COL24A1: variants seen among roughly 807,000 people sequenced by gnomAD.
COL24A1 encodes collagen alpha-1(XXIV) chain.
COL24A1 carries 224 observed loss-of-function variants against 253.9 expected under a neutral mutation model. That is an observed-to-expected ratio of 0.88 (90% CI 0.79 to 0.99). The LOEUF is 0.99. COL24A1 is among the 50% of genes least tolerant of loss of function. The pLI, the probability that COL24A1 is intolerant of heterozygous loss-of-function variation, is 0.00. For missense variants in COL24A1, 2,131 were observed against 2,068.5 expected, an observed-to-expected ratio of 1.03 and a Z score of -0.59; for synonymous variants, 685 against 673.7, an observed-to-expected ratio of 1.02 and a Z score of -0.26.
rs113627312 is a variant in COL24A1 at position 85,952,046 on chromosome 1, G to A, written c.2562+9203C>T. Among the ~76,000 whole-genome samples the A allele has an allele frequency of 2.7e-3, 407 of 152,050 alleles. 1 individual carries two copies. The highest frequency in any genetic ancestry group is 8.2e-3 in the African/African-American group (340 of 41,524). ...CATCGGGCTGCTTAGTACAATTAAT[G>A]AAAAAAGAGACATTTCATAAACAGA... is the stretch of plus-strand genomic sequence containing the variant. On this transcript the variant is annotated intron_variant, in intron 24 of 59. Coordinates refer to ENST00000370571, the MANE Select transcript of COL24A1 (RefSeq NM_152890.7).
chr1:85,848,864 T>G (rs1677435652), intron 38 of COL24A1, among the ~76,000 whole-genome samples: 1 of 152,214 alleles, frequency 6.6e-6, no homozygotes, highest in Admixed American at 6.5e-5. Flanking sequence ...ATGTTGATTT[T>G]AGTAAAATAT....
chr1:85,958,836 G>C (rs1200176084), intron 24 of COL24A1, among the ~76,000 whole-genome samples: 1 of 152,054 alleles, frequency 6.6e-6, no homozygotes, highest in Non-Finnish European at 1.5e-5. Context: ...AGATGAGAGG[G>C]CATCTTTTGA....
rs1343307104 is a variant in COL24A1 at position 85,887,378 on chromosome 1, C to T, written c.2976+2182G>A. On this transcript the variant is annotated intron_variant, in intron 32 of 59. Coordinates refer to ENST00000370571, the MANE Select transcript of COL24A1 (RefSeq NM_152890.7). ...GTACAGTTGTGCAGGTTGAACACTACATAAACCAAGGGACATTATTTGTTA... is the reference window on the plus strand; with the variant it reads ...GTACAGTTGTGCAGGTTGAACACTATATAAACCAAGGGACATTATTTGTTA... 3.3e-5 allele frequency among the ~76,000 whole-genome samples: 5 copies of T among 151,982 alleles called. No individual in the cohort carries two copies. In the East Asian group the frequency reaches 5.8e-4, roughly 18 times the overall value.
chr1:85,922,212 G>A (rs1686595152), intron 24 of COL24A1, among the ~76,000 whole-genome samples: 2 of 152,174 alleles, frequency 1.3e-5, no homozygotes, highest in Admixed American at 1.3e-4. Context: ...TGAAAGTGAT[G>A]GGGAGAATGG....
chr1:86,087,625 T>C (rs1040975015), intron 7 of COL24A1, among the ~76,000 whole-genome samples: 3 of 152,240 alleles, frequency 2.0e-5, no homozygotes, highest in African/African-American at 4.8e-5. Context: ...ACAGTGTCAC[T>C]GCATAGGATG....
chr1:86,085,503 G>T (rs1023546693), intron 7 of COL24A1, among the ~76,000 whole-genome samples: 5 of 152,194 alleles, frequency 3.3e-5, no homozygotes, highest in Admixed American at 2.6e-4. Flanking sequence ...TTATCTTCTT[G>T]AACTTAGAAA....
intron 31 of COL24A1, among the ~76,000 whole-genome samples, chr1:85,893,718 T>A (rs1683369887): frequency 6.6e-6 from 1 of 152,326 alleles, no homozygotes; most frequent in South Asian, 2.1e-4. Flanking sequence ...AGTTTTCATT[T>A]AATTCCTGGC....
intron 47 of COL24A1, among the ~76,000 whole-genome samples, chr1:85,797,068 A>G (rs970087269): frequency 1.7e-4 from 26 of 151,714 alleles, no homozygotes; most frequent in Admixed American, 1.1e-3. Context: ...TTAGCCAGGC[A>G]TGGTGGTGGG....
intron 47 of COL24A1, among the ~76,000 whole-genome samples, chr1:85,813,155 G>A (rs1672713662): frequency 6.6e-6 from 1 of 151,736 alleles, no homozygotes; most frequent in Non-Finnish European, 1.5e-5. Context: ...AAAGATGCAT[G>A]GTCTAATATC....
chr1:85,915,413 C>T (rs1200674206), intron 24 of COL24A1, among the ~76,000 whole-genome samples: 1 of 152,180 alleles, frequency 6.6e-6, no homozygotes, highest in Non-Finnish European at 1.5e-5. Flanking sequence ...CTAGGATCTC[C>T]TGTTTGTGGA....
intron 8 of COL24A1, among the ~76,000 whole-genome samples, chr1:86,063,385 G>T (rs1001286124): frequency 2.0e-5 from 3 of 151,606 alleles, no homozygotes; most frequent in African/African-American, 4.8e-5. Context: ...GTGTGTGTTT[G>T]TATGTGTATG....
At chr1:86,088,702 A>G (rs574807411) in intron 7 of COL24A1, among the ~76,000 whole-genome samples, 1 of 152,230 alleles carries the variant, frequency 6.6e-6, no homozygotes, top group African/African-American at 2.4e-5. Flanking sequence ...AGAGATTATT[A>G]TTTCCCAGTA....
chr1:85,784,407 A>G (rs1187906082), intron 48 of COL24A1, 41 bp from the exon 49 acceptor site: 2 of 1,436,120 alleles, frequency 1.4e-6, no homozygotes, highest in Middle Eastern at 1.8e-4. Context: ...ACATCAGAAC[A>G]TATAAACATA....
At chr1:86,014,004 G>C (rs1009878088) in intron 19 of COL24A1, among the ~76,000 whole-genome samples, 34 of 152,134 alleles carry the variant, frequency 2.2e-4, no homozygotes, top group African/African-American at 8.0e-4. Context: ...TTAGTTTCAA[G>C]ACTAAGAAAA....
chr1:85,986,414 A>G (rs1693726778), intron 20 of COL24A1, among the ~76,000 whole-genome samples: 1 of 151,884 alleles, frequency 6.6e-6, no homozygotes, highest in Non-Finnish European at 1.5e-5. Flanking sequence ...ACCATTGAAG[A>G]TACTTTACTA....
At chr1:86,134,055 A>G (rs1649790731) in intron 2 of COL24A1, among the ~76,000 whole-genome samples, 1 of 151,964 alleles carries the variant, frequency 6.6e-6, no homozygotes, top group Non-Finnish European at 1.5e-5. Context: ...AAGAGATTCA[A>G]CTTCTTCCTG....
At chr1:85,923,430 C>G (rs1686775813) in intron 24 of COL24A1, among the ~76,000 whole-genome samples, 1 of 152,168 alleles carries the variant, frequency 6.6e-6, no homozygotes, top group Non-Finnish European at 1.5e-5. Flanking sequence ...GTAAAGCACT[C>G]CTCAGCAAAT....
intron 39 of COL24A1, among the ~76,000 whole-genome samples, chr1:85,845,913 C>G (rs953315201): frequency 6.6e-6 from 1 of 151,770 alleles, no homozygotes; most frequent in Admixed American, 6.6e-5. Context: ...TGAAAGTTCA[C>G]ATGAAAGAGG....
At chr1:85,783,658 GA>G in intron 50 of COL24A1, 100 bp from the exon 51 acceptor site, 1 of 1,088,266 alleles carries the variant, frequency 9.2e-7, no homozygotes, top group Non-Finnish European at 1.4e-6. Context: ...TTTAAAAATG[GA>G]ATATAATACT....
Sources: gnomAD v4.1 joint callset for allele counts (sites outside exome capture counted in the v4.1 genomes callset) on GRCh38, gnomAD v4.1.1 for gene constraint, MANE v1.5 for transcripts, NCBI Gene and HGNC (gene_info 2026-07-23, HGNC 2026-07-21) for gene names.